Variants in MED13L observed in about 807,000 individuals in gnomAD.
The protein encoded by MED13L is mediator of RNA polymerase II transcription subunit 13-like.
In MED13L, 7 loss-of-function variants were observed where a neutral mutation model predicts 220.9. The observed-to-expected ratio is 0.03, with a 90% CI of 0.02 to 0.06. MED13L has a LOEUF of 0.06. Among genes scored for constraint, MED13L ranks in the 10% least tolerant of loss-of-function variants. MED13L has a pLI of 1.00. For synonymous variants in MED13L, 1,011 were observed against 1,015.2 expected, an observed-to-expected ratio of 1.00 and a Z score of 0.08; for missense variants, 1,965 against 2,760.5, an observed-to-expected ratio of 0.71 and a Z score of 6.46.
chr12:116,106,643 G>A (rs928466429), intron 3 of MED13L, among the ~76,000 whole-genome samples: 3 of 152,050 alleles, frequency 2.0e-5, no homozygotes, highest in Non-Finnish European at 4.4e-5. Context: ...TAAGGAATTC[G>A]AGGCCAGCCT....
In MED13L at chr12:116,114,930, T is replaced by TA. The variant is rs1289318728; in HGVS notation, c.311-3419dup. Among the ~76,000 whole-genome samples, 15 of 151,944 alleles carry TA rather than the reference T, an allele frequency of 9.9e-5. No homozygotes were observed. The East Asian group carries it at 1.9e-3, about 20-fold the overall frequency. On this transcript the variant is annotated intron_variant, in intron 2 of 30. Transcript: ENST00000281928. The stretch of plus-strand genomic sequence containing the variant: ...AAAACTACAATACTAACAAACGAAA[T>TA]AAAAAAGATAAATAAATTGACCACA...
chr12:116,212,487 T>A (rs1414550261), intron 2 of MED13L, among the ~76,000 whole-genome samples: 1 of 152,198 alleles, frequency 6.6e-6, no homozygotes, highest in Non-Finnish European at 1.5e-5. Flanking sequence ...GAGTATACTA[T>A]GACACTATCT....
At chr12:116,234,628 T>C (rs568488469) in intron 2 of MED13L, among the ~76,000 whole-genome samples, 2 of 152,110 alleles carry the variant, frequency 1.3e-5, no homozygotes, top group South Asian at 4.1e-4. Flanking sequence ...ATGCTTAACA[T>C]TAAAGCCTGC....
intron 2 of MED13L, among the ~76,000 whole-genome samples, chr12:116,113,448 G>A (rs977059781): frequency 6.7e-6 from 1 of 148,314 alleles, no homozygotes; most frequent in East Asian, 2.0e-4. Flanking sequence ...ACCAGCCTGG[G>A]CAACACAGCC....
At chr12:116,018,256 G>A (rs1387711627) in intron 7 of MED13L, among the ~76,000 whole-genome samples, 3 of 152,136 alleles carry the variant, frequency 2.0e-5, no homozygotes, top group African/African-American at 4.8e-5. Flanking sequence ...GTTTTACAAC[G>A]AGGTGCGCTC....
At chr12:116,274,343 T>C (rs1237880024) in intron 1 of MED13L, among the ~76,000 whole-genome samples, 1 of 150,026 alleles carries the variant, frequency 6.7e-6, no homozygotes, top group Non-Finnish European at 1.5e-5. Flanking sequence ...GTACAGAACT[T>C]AATCTCTTAT....
chr12:116,188,349 T>C (rs1367987676), intron 2 of MED13L, among the ~76,000 whole-genome samples: 1 of 152,024 alleles, frequency 6.6e-6, no homozygotes, highest in Non-Finnish European at 1.5e-5. Flanking sequence ...TCCTCAATTT[T>C]CAACAACTTA....
chr12:116,122,486 T>C (rs1038455050), intron 2 of MED13L, among the ~76,000 whole-genome samples: 9 of 152,164 alleles, frequency 5.9e-5, no homozygotes, highest in Admixed American at 5.2e-4. Context: ...ATTTCTTGAA[T>C]TGCTCATGAG....
intron 2 of MED13L, among the ~76,000 whole-genome samples, chr12:116,170,774 T>C (rs936461366): frequency 6.6e-6 from 1 of 152,038 alleles, no homozygotes; most frequent in African/African-American, 2.4e-5. Flanking sequence ...CTAATTTTTG[T>C]ATTTTTATTA....
At chr12:116,268,850 T>G (rs1401062888) in intron 1 of MED13L, among the ~76,000 whole-genome samples, 2 of 152,180 alleles carry the variant, frequency 1.3e-5, no homozygotes, top group African/African-American at 4.8e-5. Flanking sequence ...TACATTCAAC[T>G]CAGTGACTTA....
chr12:115,995,138 G>T (rs568398761), intron 16 of MED13L, among the ~76,000 whole-genome samples: 3 of 151,990 alleles, frequency 2.0e-5, no homozygotes, highest in Admixed American at 2.0e-4. Flanking sequence ...GTCTTGTTAC[G>T]ACATTAAAAT....
chr12:116,024,492 T>C (rs1226684187), intron 4 of MED13L, among the ~76,000 whole-genome samples: 1 of 152,188 alleles, frequency 6.6e-6, no homozygotes. Flanking sequence ...TGGTTTCTGC[T>C]ACTGACTTGA....
intron 5 of MED13L, among the ~76,000 whole-genome samples, chr12:116,021,958 TTTAAAA>T (rs1328779749): frequency 1.3e-5 from 2 of 152,046 alleles, no homozygotes; most frequent in Admixed American, 6.5e-5. Context: ...ACCAATGGAG[TTTAAAA>T]TTAAAACAAA....
chr12:116,206,074 C>CTTTT (rs1160337465), intron 2 of MED13L, among the ~76,000 whole-genome samples: 72 of 87,202 alleles, frequency 8.3e-4, no homozygotes, highest in East Asian at 2.3e-3. Flanking sequence ...GTATTATTAC[C>CTTTT]TTTTTTTTTT....
chr12:116,250,528 C>T (rs1030486061), intron 1 of MED13L, among the ~76,000 whole-genome samples: 5 of 150,594 alleles, frequency 3.3e-5, no homozygotes, highest in Non-Finnish European at 5.9e-5. Flanking sequence ...CTTCAGAAGG[C>T]TGAGGCAGGT....
chr12:115,974,411 A>G (rs764892393), intron 25 of MED13L, among the ~76,000 whole-genome samples: 1 of 152,248 alleles, frequency 6.6e-6, no homozygotes, highest in Non-Finnish European at 1.5e-5. Context: ...ATCTGTCATT[A>G]CTTAATAAGG....
intron 2 of MED13L, among the ~76,000 whole-genome samples, chr12:116,137,345 T>G (rs528046483): frequency 6.4e-4 from 97 of 152,256 alleles, no homozygotes; most frequent in African/African-American, 2.3e-3. Flanking sequence ...TCCATAATAC[T>G]CTTATGAGGT....
intron 2 of MED13L, among the ~76,000 whole-genome samples, chr12:116,125,254 G>A (rs1437710784): frequency 6.6e-6 from 1 of 152,208 alleles, no homozygotes; most frequent in Non-Finnish European, 1.5e-5. Context: ...GAGGACACAT[G>A]AGCCCGGAAA....
At chr12:116,096,850 A>T in intron 3 of MED13L, 98 bp from the exon 4 acceptor site, 1 of 835,392 alleles carries the variant, frequency 1.2e-6, no homozygotes. Context: ...CCAAAAATAA[A>T]AACACCACCA....
Sources: gnomAD v4.1 joint callset for allele counts (sites outside exome capture counted in the v4.1 genomes callset) on GRCh38, gnomAD v4.1.1 for gene constraint, MANE v1.5 for transcripts, NCBI Gene and HGNC (gene_info 2026-07-23, HGNC 2026-07-21) for gene names.